Variants in BEAN1 observed in about 807,000 individuals in gnomAD.
BEAN1 encodes brain expressed associated with NEDD4 1.
In BEAN1, 17 loss-of-function variants were observed where a neutral mutation model predicts 17.7. The observed-to-expected ratio is 0.96, with a 90% CI of 0.66 to 1.44. The LOEUF is 1.44. BEAN1 is among the 40% of genes most tolerant of loss of function. The pLI, the probability that BEAN1 is intolerant of heterozygous loss-of-function variation, is 0.00. For missense variants in BEAN1, 359 were observed against 374.1 expected (o/e 0.96, Z 0.33); for synonymous variants, 142 against 151.8 (o/e 0.94, Z 0.47).
intron 2 of BEAN1, among the ~76,000 whole-genome samples, chr16:66,456,474 A>C (rs572657378): frequency 6.6e-5 from 10 of 152,350 alleles, no homozygotes; most frequent in Non-Finnish European, 2.9e-5. Flanking sequence ...CTCCACTGGC[A>C]TTATATTATA....
chr16:66,445,475 CAAAA>C (rs61540693), intron 2 of BEAN1, among the ~76,000 whole-genome samples: 1 of 49,326 alleles, frequency 2.0e-5, no homozygotes, highest in African/African-American at 8.1e-5. Flanking sequence ...GACTCCGTCT[CAAAA>C]AAAAAAAAAA....
chr16:66,446,510 G>A (rs1255744625), intron 2 of BEAN1, among the ~76,000 whole-genome samples: 3 of 152,124 alleles, frequency 2.0e-5, no homozygotes, highest in Non-Finnish European at 2.9e-5. Flanking sequence ...GAGATACAGG[G>A]CAGACAGTTG....
intron 2 of BEAN1, among the ~76,000 whole-genome samples, chr16:66,466,769 A>G (rs984145229): frequency 6.6e-6 from 1 of 152,120 alleles, no homozygotes. Flanking sequence ...GAATTTCACC[A>G]TCTTGGTCAG....
chr16:66,440,719 C>T (rs905190200), intron 2 of BEAN1, among the ~76,000 whole-genome samples: 5 of 152,228 alleles, frequency 3.3e-5, no homozygotes, highest in Non-Finnish European at 5.9e-5. Flanking sequence ...TCTCTCCCAC[C>T]CTAGTTTCTT....
chr16:66,445,425 G>A (rs1185290022), intron 2 of BEAN1, among the ~76,000 whole-genome samples: 9 of 138,142 alleles, frequency 6.5e-5, no homozygotes, highest in Non-Finnish European at 9.2e-5. Context: ...GCAATGAGCC[G>A]AGATCACACC....
chr16:66,437,674 T>C lies in BEAN1; in HGVS notation c.-3T>C, dbSNP rs559167818. 8 of 1,535,920 alleles carry C rather than the reference T, an allele frequency of 5.2e-6. No homozygotes were observed. Among genetic ancestry groups the C allele is most frequent in the South Asian group, 1.2e-5 (1 of 84,064 alleles). On this transcript the variant is annotated 5_prime_UTR_variant, in exon 2 of 5. Transcript: ENST00000536005. ...GGCTCCGCTGTTCTGCTCCAAGGAT[T>C]ACATGTCCTTCAAACGTCCCTGCCC...
chr16:66,493,942 C>G (rs1038811368), downstream of BEAN1, among the ~76,000 whole-genome samples: 2 of 152,204 alleles, frequency 1.3e-5, no homozygotes, highest in African/African-American at 4.8e-5. Context: ...GGGGCCAGAG[C>G]CAACTGGTGA....
At chr16:66,472,984 A>G (rs1963542447) in intron 3 of BEAN1, among the ~76,000 whole-genome samples, 1 of 152,190 alleles carries the variant, frequency 6.6e-6, no homozygotes, top group Non-Finnish European at 1.5e-5. Context: ...TCACCACTGC[A>G]TGCCAGCCTG....
At chr16:66,448,510 C>T (rs1326622869) in intron 2 of BEAN1, among the ~76,000 whole-genome samples, 1 of 152,174 alleles carries the variant, frequency 6.6e-6, no homozygotes, top group Non-Finnish European at 1.5e-5. Context: ...GGAATGTTCA[C>T]AAACTGAACA....
At chr16:66,465,382 G>A (rs1372795122) in intron 2 of BEAN1, among the ~76,000 whole-genome samples, 1 of 152,042 alleles carries the variant, frequency 6.6e-6, no homozygotes, top group Non-Finnish European at 1.5e-5. Flanking sequence ...TCTAGTTTTG[G>A]TATCAGGGTA....
At chr16:66,439,671 C>T (rs1230467132) in intron 2 of BEAN1, among the ~76,000 whole-genome samples, 1 of 152,178 alleles carries the variant, frequency 6.6e-6, no homozygotes, top group Non-Finnish European at 1.5e-5. Context: ...GAAATTCCCC[C>T]TTCCCCAAAG....
rs35362890 is a variant in BEAN1 at position 66,431,603 on chromosome 16, GTT to G, written c.-83+4182_-83+4183del. Among the ~76,000 whole-genome samples the G allele has an allele frequency of 1.3e-3, 200 of 148,670 alleles. 2 individuals are homozygous for G. The highest frequency in any genetic ancestry group is 3.8e-3 in the African/African-American group (152 of 40,506). Reference sequence around the variant, plus strand: ...TTGCTATGTATTAATATATTCCCTAGTTTTTTTTTTTCTTTTACAAAATAAGG... The same window carrying G: ...TTGCTATGTATTAATATATTCCCTAGTTTTTTTTTCTTTTACAAAATAAGG... On this transcript the variant is annotated intron_variant, in intron 1 of 4. Coordinates refer to ENST00000536005, the MANE Select transcript of BEAN1 (RefSeq NM_001178020.3).
At chr16:66,465,084 T>A (rs1963217116) in intron 2 of BEAN1, among the ~76,000 whole-genome samples, 1 of 152,232 alleles carries the variant, frequency 6.6e-6, no homozygotes, top group African/African-American at 2.4e-5. Context: ...ATTTTTAGTT[T>A]GTTGAGTGAT....
chr16:66,440,350 C>T (rs921040712), intron 2 of BEAN1, among the ~76,000 whole-genome samples: 10 of 152,038 alleles, frequency 6.6e-5, no homozygotes, highest in Non-Finnish European at 1.5e-4. Flanking sequence ...AGGCTCGTCT[C>T]GAACTCCTGA....
At position 66,455,671 on chromosome 16, in the gene BEAN1, C is replaced by T. The variant is rs140103077; in HGVS notation, c.26-13931C>T. ...ATAGTGGACAATACCTGCAGCAACA[C>T]GCTTATAATAAAGCTACTTTTTTTT... On this transcript the variant is annotated intron_variant, in intron 2 of 4. Coordinates refer to ENST00000536005, the MANE Select transcript of BEAN1 (RefSeq NM_001178020.3). 4.4e-3 allele frequency among the ~76,000 whole-genome samples: 663 copies of T among 149,756 alleles called. 2 individuals are homozygous for T. The highest frequency in any genetic ancestry group is 0.013 in the African/African-American group (544 of 40,722).
chr16:66,432,613 G>A (rs1290740220), intron 1 of BEAN1, among the ~76,000 whole-genome samples: 3 of 152,162 alleles, frequency 2.0e-5, no homozygotes, highest in African/African-American at 7.2e-5. Flanking sequence ...TGAGTGCCAG[G>A]GACACAGTGA....
intron 2 of BEAN1, among the ~76,000 whole-genome samples, chr16:66,451,573 G>A (rs1036068449): frequency 6.6e-6 from 1 of 152,176 alleles, no homozygotes; most frequent in Admixed American, 6.5e-5. Context: ...TTCACATTTA[G>A]TTCTGAGTCT....
At chr16:66,452,583 A>G (rs1378476249) in intron 2 of BEAN1, among the ~76,000 whole-genome samples, 1 of 152,220 alleles carries the variant, frequency 6.6e-6, no homozygotes, top group Non-Finnish European at 1.5e-5. Flanking sequence ...TGGCACCAGA[A>G]TCCCTCATGG....
chr16:66,439,504 A>G (rs759279226), intron 2 of BEAN1, among the ~76,000 whole-genome samples: 1 of 152,074 alleles, frequency 6.6e-6, no homozygotes, highest in Non-Finnish European at 1.5e-5. Context: ...GCTTTCCAGA[A>G]CCTTTTGGGC....
Sources: allele counts gnomAD v4.1 joint callset (sites outside exome capture counted in the v4.1 genomes callset), GRCh38; gene constraint gnomAD v4.1.1; transcripts MANE v1.5; gene names NCBI Gene and HGNC (gene_info 2026-07-23, HGNC 2026-07-21).